CAMK1D: variants seen among roughly 807,000 people sequenced by gnomAD.
The protein encoded by CAMK1D is calcium/calmodulin dependent protein kinase ID.
A neutral mutation model predicts 47.7 loss-of-function variants in CAMK1D; 9 were observed. That is an observed-to-expected ratio of 0.19 (90% confidence interval 0.11 to 0.33). CAMK1D has a LOEUF of 0.33. CAMK1D is among the 10% of genes least tolerant of loss of function. The pLI is 1.00. For synonymous variants in CAMK1D, 184 were observed against 184.9 expected (o/e 0.99, Z 0.04); for missense variants, 291 against 488.7 (o/e 0.60, Z 3.81).
chr10:12,816,407 G>T (rs751276334), intron 8 of CAMK1D, 79 bp downstream of exon 8: 51 of 1,141,246 alleles, frequency 4.5e-5, no homozygotes, highest in Non-Finnish European at 6.2e-5. Flanking sequence ...GTTGGCCGTT[G>T]TCATTTATGA....
chr10:12,602,895 G>GTTGTTA (rs150080599), intron 2 of CAMK1D, among the ~76,000 whole-genome samples: 4 of 134,396 alleles, frequency 3.0e-5, no homozygotes, highest in Non-Finnish European at 4.7e-5. Context: ...CTAACTGCTT[G>GTTGTTA]TTATTATTAT....
rs368906692 is a variant in CAMK1D at position 12,752,972 on chromosome 10, A to G, written c.300-7976A>G. ...ATAATTGAAAAACAATTGGCCGGGCATGGTGGCTCACGCCTGTAATCCCAG... is the reference window on the plus strand; with the variant it reads ...ATAATTGAAAAACAATTGGCCGGGCGTGGTGGCTCACGCCTGTAATCCCAG... On this transcript the variant is annotated intron_variant, in intron 3 of 10. Transcript: ENST00000619168. Among the ~76,000 whole-genome samples, 6 of 152,360 alleles carry G rather than the reference A, an allele frequency of 3.9e-5. 2 individuals carry two copies. The highest frequency in any genetic ancestry group is 2.6e-4 in the Admixed American group (4 of 15,300).
At chr10:12,436,865 C>T (rs1427792173) in intron 1 of CAMK1D, among the ~76,000 whole-genome samples, 1 of 152,162 alleles carries the variant, frequency 6.6e-6, no homozygotes, top group African/African-American at 2.4e-5. Flanking sequence ...TGATTCGCTC[C>T]ACGGACTCAC....
intron 1 of CAMK1D, among the ~76,000 whole-genome samples, chr10:12,430,110 G>A (rs1351075519): frequency 6.6e-6 from 1 of 151,288 alleles, no homozygotes; most frequent in Non-Finnish European, 1.5e-5. Flanking sequence ...ATCCCCCACT[G>A]CCTTGCTGTT....
At chr10:12,581,979 G>T (rs1401138469) in intron 2 of CAMK1D, among the ~76,000 whole-genome samples, 1 of 152,084 alleles carries the variant, frequency 6.6e-6, no homozygotes. Flanking sequence ...AATGTCTAGA[G>T]GGGTTTTTTT....
chr10:12,687,685 A>G (rs1832716679), intron 3 of CAMK1D, among the ~76,000 whole-genome samples: 2 of 152,260 alleles, frequency 1.3e-5, no homozygotes, highest in Non-Finnish European at 2.9e-5. Context: ...CATTTGCCCC[A>G]GTGCAAACAA....
In CAMK1D at chr10:12,706,370, C is replaced by A. The variant is rs904397477; in HGVS notation, c.299+39560C>A. 4.2e-4 allele frequency among the ~76,000 whole-genome samples: 64 copies of A among 152,134 alleles called. 1 individual carries two copies. Among genetic ancestry groups the A allele is most frequent in the African/African-American group, 1.5e-3 (62 of 41,430 alleles). ...ACTGAGGCTAAGGGGGCTACCGTGT[C>A]GTCCTTCTGAAATTCAGTACCACAG... On this transcript the variant is annotated intron_variant, in intron 3 of 10. Transcript: ENST00000619168.
chr10:12,739,437 G>A (rs556574121), intron 3 of CAMK1D, among the ~76,000 whole-genome samples: 5 of 148,322 alleles, frequency 3.4e-5, no homozygotes, highest in East Asian at 2.0e-4. Context: ...CACCACACCC[G>A]GCTAATTTTT....
intron 2 of CAMK1D, among the ~76,000 whole-genome samples, chr10:12,646,011 T>C (rs1195715779): frequency 1.3e-5 from 2 of 151,848 alleles, no homozygotes; most frequent in East Asian, 1.9e-4. Flanking sequence ...TTGTAAATAG[T>C]ATTTCTGTTT....
rs1215339310 is a variant in CAMK1D, at chr10:12,438,489, G to A, written c.92+88579G>A. Among the ~76,000 whole-genome samples the A allele has an allele frequency of 2.0e-5, 3 of 152,302 alleles. No homozygotes were observed. In the East Asian group the frequency reaches 5.8e-4, roughly 29 times the overall value. ...ATTCTAAGAAAACCCTGTTTTTGAA[G>A]CACTGGGTGTTCCATCAGTTGAAAT... On this transcript the variant is annotated intron_variant, in intron 1 of 10. Coordinates refer to ENST00000619168, the MANE Select transcript of CAMK1D (RefSeq NM_153498.4).
intron 2 of CAMK1D, among the ~76,000 whole-genome samples, chr10:12,614,132 G>C (rs1023531454): frequency 6.6e-6 from 1 of 152,304 alleles, no homozygotes; most frequent in Non-Finnish European, 1.5e-5. Flanking sequence ...CTGCTTTGTA[G>C]CTCCTGTCAC....
chr10:12,737,421 G>A (rs1315984807), intron 3 of CAMK1D, among the ~76,000 whole-genome samples: 1 of 152,128 alleles, frequency 6.6e-6, no homozygotes, highest in African/African-American at 2.4e-5. Context: ...TTCCTAGTCA[G>A]GCCCCTTCCT....
intron 3 of CAMK1D, among the ~76,000 whole-genome samples, chr10:12,711,998 T>A (rs761868060): frequency 4.6e-5 from 7 of 152,212 alleles, no homozygotes; most frequent in African/African-American, 9.6e-5. Flanking sequence ...TTCTCCTAAG[T>A]TTTTCAGTGG....
chr10:12,751,811 G>T (rs748533079), intron 3 of CAMK1D, among the ~76,000 whole-genome samples: 12 of 152,184 alleles, frequency 7.9e-5, no homozygotes, highest in Non-Finnish European at 1.5e-5. Flanking sequence ...CATGTGGTGG[G>T]CGGCTGGGGC....
intron 3 of CAMK1D, among the ~76,000 whole-genome samples, chr10:12,668,381 A>G (rs181622071): frequency 6.6e-6 from 1 of 152,350 alleles, no homozygotes; most frequent in East Asian, 1.9e-4. Flanking sequence ...CTAAAGCTAT[A>G]TGGATCTACT....
At chr10:12,709,240 G>T (rs1833844502) in intron 3 of CAMK1D, among the ~76,000 whole-genome samples, 2 of 152,150 alleles carry the variant, frequency 1.3e-5, no homozygotes, top group Admixed American at 1.3e-4. Context: ...AAGGCCTTGT[G>T]GGCTTGTAAA....
chr10:12,718,101 T>G (rs1814959824), intron 3 of CAMK1D, among the ~76,000 whole-genome samples: 1 of 152,138 alleles, frequency 6.6e-6, no homozygotes, highest in African/African-American at 2.4e-5. Context: ...CATTCTTTTC[T>G]GACCCCTTAC....
chr10:12,673,641 A>G (rs76355747), intron 3 of CAMK1D, among the ~76,000 whole-genome samples: 9,248 of 152,260 alleles, frequency 0.061, 295 homozygotes, highest in African/African-American at 0.079. Flanking sequence ...GTTTAGTTCT[A>G]AGTATTAGGT....
In CAMK1D at chr10:12,376,612, GC is replaced by G. The variant is rs1396562803; in HGVS notation, c.92+26704del. On this transcript the variant is annotated intron_variant, in intron 1 of 10. Coordinates refer to ENST00000619168, the MANE Select transcript of CAMK1D (RefSeq NM_153498.4). Reference sequence around the variant, plus strand: ...ATGCTTCTCCTGAGGTCCGGTGGAGGCCTTGCCTGGAGCCTGGAACTGGAAA... The same window carrying G: ...ATGCTTCTCCTGAGGTCCGGTGGAGGCTTGCCTGGAGCCTGGAACTGGAAA... Among the ~76,000 whole-genome samples the G allele has an allele frequency of 2.0e-5, 3 of 152,176 alleles. No homozygotes were observed. The East Asian group carries it at 5.8e-4, about 29-fold the overall frequency.
Sources: gnomAD v4.1 joint callset for allele counts (sites outside exome capture counted in the v4.1 genomes callset) on GRCh38, gnomAD v4.1.1 for gene constraint, MANE v1.5 for transcripts, NCBI Gene and HGNC (gene_info 2026-07-23, HGNC 2026-07-21) for gene names.